ARHGAP10: variants seen among roughly 807,000 people sequenced by gnomAD.
The protein encoded by ARHGAP10 is Rho GTPase activating protein 10, also known as rho GTPase-activating protein 10.
ARHGAP10 carries 87 observed loss-of-function variants against 108.6 expected under a neutral mutation model. That is an observed-to-expected ratio of 0.80 (90% CI 0.67 to 0.96). ARHGAP10 has a LOEUF of 0.96. Ranked by LOEUF, ARHGAP10 falls within the 40% of genes least tolerant of loss-of-function variation. The pLI, the probability that ARHGAP10 is intolerant of heterozygous loss-of-function variation, is 0.00. For synonymous variants in ARHGAP10, 347 were observed against 341.1 expected (o/e 1.02, Z -0.19); for missense variants, 939 against 954.5 (o/e 0.98, Z 0.21).
At chr4:147,767,659 G>C (rs1729892249) in intron 1 of ARHGAP10, among the ~76,000 whole-genome samples, 1 of 152,070 alleles carries the variant, frequency 6.6e-6, no homozygotes. Flanking sequence ...CGAGGCTGTA[G>C]GGTGCCATGG....
chr4:147,898,792 C>G (rs897628991), intron 10 of ARHGAP10, among the ~76,000 whole-genome samples: 5 of 151,266 alleles, frequency 3.3e-5, no homozygotes, highest in Admixed American at 2.6e-4. Flanking sequence ...CTGTTTCAGC[C>G]TCTGCCTAGG....
At chr4:147,964,238 G>C (rs1003028444) in intron 16 of ARHGAP10, among the ~76,000 whole-genome samples, 1 of 152,104 alleles carries the variant, frequency 6.6e-6, no homozygotes, top group Non-Finnish European at 1.5e-5. Flanking sequence ...CTTCAGTTCC[G>C]AGTATCAGCA....
chr4:147,798,769 CTCTCTCTCTCTCTATATATATATATA>C (rs1283161739), intron 1 of ARHGAP10, among the ~76,000 whole-genome samples: 5 of 5,604 alleles, frequency 8.9e-4, no homozygotes, highest in South Asian at 0.025. Context: ...CTCTCTCTCT[CTCTCTCTCTCTCTATATATATATATA>C]TATATATATA....
intron 18 of ARHGAP10, among the ~76,000 whole-genome samples, chr4:147,997,093 G>A (rs1421718379): frequency 6.6e-6 from 1 of 152,244 alleles, no homozygotes; most frequent in Non-Finnish European, 1.5e-5. Flanking sequence ...GAATAACACA[G>A]ATATCCAAAA....
intron 20 of ARHGAP10, among the ~76,000 whole-genome samples, chr4:148,049,841 G>A (rs1376696742): frequency 2.5e-5 from 2 of 80,392 alleles, no homozygotes; most frequent in South Asian, 4.1e-4. Flanking sequence ...GTGGGGGGGC[G>A]GGGGGCGGGG....
At chr4:147,952,099 T>C (rs1223513015) in intron 15 of ARHGAP10, among the ~76,000 whole-genome samples, 1 of 152,226 alleles carries the variant, frequency 6.6e-6, no homozygotes, top group Non-Finnish European at 1.5e-5. Context: ...TCATTCCATC[T>C]CACTGCTAAC....
chr4:148,018,692 T>C (rs996060675), intron 18 of ARHGAP10, among the ~76,000 whole-genome samples: 1 of 152,166 alleles, frequency 6.6e-6, no homozygotes, highest in Non-Finnish European at 1.5e-5. Flanking sequence ...CTATTCCCCA[T>C]TTTACTCTTT....
intron 4 of ARHGAP10, among the ~76,000 whole-genome samples, chr4:147,850,083 A>T (rs1264673565): frequency 6.6e-6 from 1 of 152,206 alleles, no homozygotes; most frequent in African/African-American, 2.4e-5. Context: ...CACACCAACC[A>T]GCACTCTGTG....
At chr4:147,864,645 C>A in intron 5 of ARHGAP10, 1 of 493,002 alleles carries the variant, frequency 2.0e-6, no homozygotes, top group Non-Finnish European at 3.6e-6. Context: ...CCTGTTGCAC[C>A]TGCTCAATTC....
rs1736656913 is a variant in ARHGAP10 at position 147,909,722 on chromosome 4, C to G, written c.1117-10C>G. 1.2e-6 allele frequency: 2 copies of G among 1,608,454 alleles called. No homozygotes were observed. The highest frequency in any genetic ancestry group is 2.2e-5 in the South Asian group (2 of 90,648). On this transcript the variant is annotated splice_polypyrimidine_tract_variant and intron_variant, in intron 11 of 22. Transcript: ENST00000336498. Reference sequence around the variant, plus strand: ...TTAAAAAATTCTGTTTTTCCATTCTCTTTTATTAGCTGTCCCATAGTTTTA... The same window carrying G: ...TTAAAAAATTCTGTTTTTCCATTCTGTTTTATTAGCTGTCCCATAGTTTTA...
At chr4:148,059,766 C>G (rs1369892930) in intron 20 of ARHGAP10, among the ~76,000 whole-genome samples, 1 of 152,164 alleles carries the variant, frequency 6.6e-6, no homozygotes, top group South Asian at 2.1e-4. Flanking sequence ...TTCCGGGATG[C>G]TGGCAGAAGG....
intron 1 of ARHGAP10, among the ~76,000 whole-genome samples, chr4:147,777,637 CT>C (rs1245713503): frequency 6.6e-6 from 1 of 152,130 alleles, no homozygotes; most frequent in Non-Finnish European, 1.5e-5. Flanking sequence ...GGTCAGATCT[CT>C]TAACACTGGA....
intron 1 of ARHGAP10, among the ~76,000 whole-genome samples, chr4:147,816,658 T>G (rs1244848045): frequency 3.3e-5 from 5 of 152,248 alleles, no homozygotes; most frequent in African/African-American, 9.6e-5. Context: ...ATGAGTTGTT[T>G]GCAGCATTTT....
intron 1 of ARHGAP10, among the ~76,000 whole-genome samples, chr4:147,793,125 G>A (rs112789914): frequency 0.021 from 3,239 of 152,116 alleles, 106 homozygotes; most frequent in African/African-American, 0.073. Context: ...GGGCGACAGA[G>A]TGAGACTCTC....
chr4:147,795,542 C>T (rs1350815315), intron 1 of ARHGAP10, among the ~76,000 whole-genome samples: 1 of 152,038 alleles, frequency 6.6e-6, no homozygotes, highest in Non-Finnish European at 1.5e-5. Context: ...AGTTTACAAA[C>T]GCAACTTCTG....
chr4:147,790,612 C>T (rs1731079856), intron 1 of ARHGAP10, among the ~76,000 whole-genome samples: 1 of 152,220 alleles, frequency 6.6e-6, no homozygotes, highest in Non-Finnish European at 1.5e-5. Context: ...TCTTATGAGT[C>T]AGGCCCTGTG....
At chr4:147,839,102 A>ATCTG in intron 3 of ARHGAP10, among the ~76,000 whole-genome samples, 1 of 128,720 alleles carries the variant, frequency 7.8e-6, no homozygotes, top group South Asian at 2.6e-4. Context: ...GTATCTATCT[A>ATCTG]TCTATCTATC....
At chr4:147,914,220 A>G (rs189289175) in intron 13 of ARHGAP10, among the ~76,000 whole-genome samples, 55 of 152,368 alleles carry the variant, frequency 3.6e-4, no homozygotes, top group Non-Finnish European at 7.3e-5. Flanking sequence ...CAGCTGTACA[A>G]ATGGAAGAGT....
At chr4:147,859,273 CT>C (rs34375248) in intron 5 of ARHGAP10, among the ~76,000 whole-genome samples, 21,991 of 135,038 alleles carry the variant, frequency 0.16, 1,980 homozygotes, top group African/African-American at 0.31. Flanking sequence ...TTTCATATTC[CT>C]TTTTTTTTTT....
Sources: allele counts gnomAD v4.1 joint callset (sites outside exome capture counted in the v4.1 genomes callset), GRCh38; gene constraint gnomAD v4.1.1; transcripts MANE v1.5; gene names NCBI Gene and HGNC (gene_info 2026-07-23, HGNC 2026-07-21).